The following TIAM1 variants were observed in gnomAD, a reference collection of about 807,000 sequenced individuals.
TIAM1 encodes the protein TIAM Rac1 associated GEF 1, also known as rho guanine nucleotide exchange factor TIAM1.
A neutral mutation model predicts 163.5 loss-of-function variants in TIAM1; 65 were observed. The observed-to-expected ratio is 0.40, with a 90% confidence interval of 0.33 to 0.49. The LOEUF (loss-of-function observed/expected upper bound fraction) is 0.49. Among genes scored for constraint, TIAM1 ranks in the 20% least tolerant of loss-of-function variants. TIAM1 has a pLI of 0.77. For missense variants in TIAM1, 1,789 were observed against 2,044.7 expected, an observed-to-expected ratio of 0.87 and a Z score of 2.41; for synonymous variants, 833 against 810.1, an observed-to-expected ratio of 1.03 and a Z score of -0.48.
chr21:31,450,141 C>T (rs959680048), intron 2 of TIAM1, among the ~76,000 whole-genome samples: 7 of 152,134 alleles, frequency 4.6e-5, no homozygotes, highest in Non-Finnish European at 7.4e-5. Flanking sequence ...TGCCTGTTAT[C>T]GGACAAAGGC....
intron 1 of TIAM1, among the ~76,000 whole-genome samples, chr21:31,342,384 C>G (rs2076046385): frequency 1.3e-5 from 2 of 151,602 alleles, no homozygotes; most frequent in Admixed American, 6.6e-5. Flanking sequence ...GATAATGATA[C>G]AGAAATTGCC....
intron 2 of TIAM1, among the ~76,000 whole-genome samples, chr21:31,315,141 C>A (rs905695061): frequency 1.3e-5 from 2 of 152,124 alleles, no homozygotes. Context: ...AAGGCCATGG[C>A]GGATGGATCA....
At chr21:31,468,867 G>A (rs914187101) in intron 1 of TIAM1, among the ~76,000 whole-genome samples, 1 of 152,030 alleles carries the variant, frequency 6.6e-6, no homozygotes, top group African/African-American at 2.4e-5. Context: ...ATCTGTGCCT[G>A]GGAGGCTGCC....
In TIAM1 at chr21:31,419,145, G is replaced by A. The variant is rs577710357; in HGVS notation, c.-369+44838C>T. ...CCTCCTCGCTTCTCCTCCAAAAATCGGTATTCAGTGAGATTCACGTATGAA... is the reference window on the plus strand; with the variant it reads ...CCTCCTCGCTTCTCCTCCAAAAATCAGTATTCAGTGAGATTCACGTATGAA... On this transcript the variant is annotated intron_variant, in intron 2 of 28. Coordinates refer to the TIAM1 transcript ENST00000286827. Among the ~76,000 whole-genome samples, 10 of 152,246 alleles carry A rather than the reference G, an allele frequency of 6.6e-5. No homozygotes were observed. In the South Asian group the frequency reaches 8.3e-4, roughly 13 times the overall value.
rs34322961 is a variant in TIAM1 at position 31,395,237 on chromosome 21, CA to C, written c.-368-55816del. Among the ~76,000 whole-genome samples, 83,951 of 144,968 alleles carry C rather than the reference CA, an allele frequency of 0.58. 25,490 individuals carry two copies. The highest frequency in any genetic ancestry group is 0.97 in the East Asian group (4,826 of 4,968). ...TGGGCAACAGAGTGAGACTCTGTCT[CA>C]AAAAAAAAAAAGAGGAGGTGGGGGG... On this transcript the variant is annotated intron_variant, in intron 2 of 28. Coordinates refer to the TIAM1 transcript ENST00000286827. This position sits in a 1 kb window ranked among gnomAD's most constrained non-coding sequence, Gnocchi z 7.5.
At chr21:31,435,561 T>C (rs556010474) in intron 2 of TIAM1, among the ~76,000 whole-genome samples, 2 of 152,320 alleles carry the variant, frequency 1.3e-5, no homozygotes, top group East Asian at 3.9e-4. Context: ...TTATAGATTA[T>C]GGGATGAAAC....
intron 11 of TIAM1, among the ~76,000 whole-genome samples, chr21:31,209,830 A>G (rs1266612609): frequency 6.6e-6 from 1 of 152,244 alleles, no homozygotes; most frequent in Non-Finnish European, 1.5e-5. Flanking sequence ...GAAAGATGCT[A>G]CTTAGAAGAG....
chr21:31,277,490 C>T (rs1259904274), intron 2 of TIAM1, among the ~76,000 whole-genome samples: 1 of 152,096 alleles, frequency 6.6e-6, no homozygotes, highest in Non-Finnish European at 1.5e-5. Flanking sequence ...TACTAAAATA[C>T]AAAAATTACC....
intron 4 of TIAM1, among the ~76,000 whole-genome samples, chr21:31,260,446 C>T (rs1310692464): frequency 1.3e-5 from 2 of 151,434 alleles, no homozygotes; most frequent in East Asian, 3.9e-4. Context: ...ACCATGTAGG[C>T]AAGGCTGGTC....
chr21:31,496,386 A>AGGCTGAGGTGGGAGAATCGC (rs56155285), intron 1 of TIAM1, among the ~76,000 whole-genome samples: 125,785 of 150,196 alleles, frequency 0.84, 52,929 homozygotes, highest in African/African-American at 0.9. Context: ...GTTACTTGGG[A>AGGCTGAGGTGGGAGAATCGC]CTGAATCCAG....
upstream of TIAM1, among the ~76,000 whole-genome samples, chr21:31,344,435 T>A (rs151016238): frequency 6.1e-3 from 923 of 152,130 alleles, 12 homozygotes; most frequent in African/African-American, 0.021. Context: ...CCCCACCACA[T>A]CCTTGGGGGC....
intron 2 of TIAM1, among the ~76,000 whole-genome samples, chr21:31,285,267 T>TG (rs905525287): frequency 4.6e-4 from 69 of 151,162 alleles, no homozygotes; most frequent in Middle Eastern, 6.8e-3. Context: ...GAAGAGCTTG[T>TG]GGGGGGGGCG....
intron 2 of TIAM1, among the ~76,000 whole-genome samples, chr21:31,295,425 A>C (rs189681130): frequency 7.1e-6 from 1 of 140,894 alleles, no homozygotes; most frequent in Non-Finnish European, 1.5e-5. Flanking sequence ...CGCCGAGATC[A>C]CGCCACTGCA....
At chr21:31,394,442 A>G (rs2077017620) in intron 2 of TIAM1, among the ~76,000 whole-genome samples, 1 of 152,190 alleles carries the variant, frequency 6.6e-6, no homozygotes, top group South Asian at 2.1e-4. Flanking sequence ...GTAATTATAC[A>G]TTGGTCCAAA....
intron 6 of TIAM1, among the ~76,000 whole-genome samples, chr21:31,229,835 T>C (rs1008784059): frequency 6.6e-6 from 1 of 152,186 alleles, no homozygotes; most frequent in African/African-American, 2.4e-5. Flanking sequence ...GTACTTTTAG[T>C]AGAGATGAGG....
intron 2 of TIAM1, among the ~76,000 whole-genome samples, chr21:31,317,304 A>G (rs2075159158): frequency 6.6e-6 from 1 of 151,618 alleles, no homozygotes; most frequent in South Asian, 2.1e-4. Flanking sequence ...AAAATACAAA[A>G]TTAGCCGGGC....
At chr21:31,522,516 A>C (rs965245999) in intron 1 of TIAM1, among the ~76,000 whole-genome samples, 22 of 151,840 alleles carry the variant, frequency 1.4e-4, no homozygotes, top group African/African-American at 5.1e-4. Context: ...ATCCCAAAAA[A>C]AAAAACAAAA....
intron 2 of TIAM1, among the ~76,000 whole-genome samples, chr21:31,361,256 TAA>T (rs1341210769): frequency 6.6e-6 from 1 of 152,146 alleles, no homozygotes; most frequent in African/African-American, 2.4e-5. Context: ...GAATACTTAA[TAA>T]AGTATGATTC....
intron 12 of TIAM1, among the ~76,000 whole-genome samples, chr21:31,195,598 G>C (rs1203282819): frequency 6.6e-6 from 1 of 152,128 alleles, no homozygotes; most frequent in African/African-American, 2.4e-5. Flanking sequence ...AAGTAATGGA[G>C]ATCTCTAGTT....
Sources: gnomAD v4.1 joint callset for allele counts (sites outside exome capture counted in the v4.1 genomes callset) on GRCh38, gnomAD v4.1.1 for gene constraint, Gnocchi (gnomAD v3.1) non-coding constraint, MANE v1.5 for transcripts, NCBI Gene and HGNC (gene_info 2026-07-23, HGNC 2026-07-21) for gene names.